The following SUN5 variants were observed in gnomAD, a reference collection of about 807,000 sequenced individuals.
SUN5 encodes the protein Sad1 and UNC84 domain containing 5.
A neutral mutation model predicts 53.7 loss-of-function variants in SUN5; 44 were observed. The observed-to-expected ratio is 0.82, with a 90% CI of 0.64 to 1.05. SUN5 has a LOEUF of 1.05. SUN5 is among the 50% of genes least tolerant of loss of function. The pLI, the probability that SUN5 is intolerant of heterozygous loss-of-function variation, is 0.00. For missense variants in SUN5, 433 were observed against 483.8 expected, an observed-to-expected ratio of 0.90 and a Z score of 0.98; for synonymous variants, 166 against 179.8, an observed-to-expected ratio of 0.92 and a Z score of 0.62.
chr20:32,991,596 CT>C (rs767026082), intron 8 of SUN5, among the ~76,000 whole-genome samples: 4 of 152,190 alleles, frequency 2.6e-5, no homozygotes, highest in Admixed American at 6.5e-5. Context: ...GAGGAAACAC[CT>C]GCCAAGAGCC....
At chr20:32,999,951 A>T in intron 5 of SUN5, 123 bp downstream of exon 5, 2 of 1,554,140 alleles carry the variant, frequency 1.3e-6, no homozygotes, top group Non-Finnish European at 1.7e-6. Flanking sequence ...TCACAGCAAC[A>T]CCCATCAGGC....
intron 10 of SUN5, among the ~76,000 whole-genome samples, chr20:32,986,904 C>T (rs957442490): frequency 1.3e-5 from 2 of 152,208 alleles, no homozygotes; most frequent in East Asian, 3.9e-4. Flanking sequence ...TCTGCTAGTC[C>T]TCGGCTGCGG....
intron 5 of SUN5, chr20:32,999,738 G>T: frequency 7.7e-5 from 43 of 557,942 alleles, no homozygotes; most frequent in East Asian, 1.5e-4. Flanking sequence ...GCCAGTATAT[G>T]TCAGTGGAGG....
chr20:33,002,458 A>G, intron 3 of SUN5, 129 bp downstream of exon 3: 4 of 845,470 alleles, frequency 4.7e-6, no homozygotes, highest in Non-Finnish European at 5.9e-6. Context: ...CCAGAGTTCA[A>G]CCTGCAGCTC....
At chr20:32,999,800 T>C in intron 5 of SUN5, 2 of 959,590 alleles carry the variant, frequency 2.1e-6, no homozygotes, top group Non-Finnish European at 3.1e-6. Flanking sequence ...GAGGTGGGGG[T>C]GGTGGCTGGA....
intron 10 of SUN5, 132 bp downstream of exon 10, chr20:32,987,528 C>T (rs1989576506): frequency 3.3e-6 from 2 of 605,376 alleles, no homozygotes; most frequent in Non-Finnish European, 5.5e-6. Flanking sequence ...CTGTCTCCTG[C>T]TCCTACCTCT....
At position 32,989,615 on chromosome 20, in the gene SUN5, C is replaced by T; in HGVS notation, c.613+5G>A. 1 of 1,613,856 alleles carries T rather than the reference C, an allele frequency of 6.2e-7. No homozygotes were observed. Among genetic ancestry groups the T allele is most frequent in the Non-Finnish European group, 8.5e-7 (1 of 1,179,846 alleles). ...AGTCAGATGGTGGGGAAGGGGGTCACCTACCTATAGACTTCAGGGCAAAGT... is the reference window on the plus strand; with the variant it reads ...AGTCAGATGGTGGGGAAGGGGGTCATCTACCTATAGACTTCAGGGCAAAGT... On this transcript the variant is annotated splice_donor_5th_base_variant and intron_variant, in intron 9 of 12. Transcript: ENST00000356173.
chr20:32,986,914 G>T (rs1568962625), intron 10 of SUN5, among the ~76,000 whole-genome samples: 1 of 152,182 alleles, frequency 6.6e-6, no homozygotes, highest in Non-Finnish European at 1.5e-5. Context: ...CTCGGCTGCG[G>T]CCACCAGGAA....
At chr20:32,999,824 A>T in intron 5 of SUN5, 1 of 1,308,698 alleles carries the variant, frequency 7.6e-7, no homozygotes, top group Non-Finnish European at 1.0e-6. Context: ...AAGCCATGGA[A>T]ACCCAGAAAG....
intron 7 of SUN5, 135 bp from the exon 8 acceptor site, chr20:32,995,862 C>A: frequency 1.4e-6 from 1 of 736,130 alleles, no homozygotes; most frequent in Non-Finnish European, 2.4e-6. Context: ...CATCCCTGGA[C>A]CCATTCATCA....
At chr20:33,001,629 CTTTCTTTCTTTT>C in intron 3 of SUN5, among the ~76,000 whole-genome samples, 1 of 129,928 alleles carries the variant, frequency 7.7e-6, no homozygotes, top group Non-Finnish European at 1.6e-5. Flanking sequence ...TTTTTCTTTT[CTTTCTTTCTTTT>C]CCTCCCTCCC....
chr20:33,001,301 G>A, intron 3 of SUN5, 23 bp from the exon 4 acceptor site: 2 of 1,563,732 alleles, frequency 1.3e-6, no homozygotes, highest in East Asian at 2.4e-5. Flanking sequence ...CAGAAAAGCA[G>A]TGACTCACTA....
At chr20:33,003,839 C>T (rs913631578) in intron 1 of SUN5, among the ~76,000 whole-genome samples, 3 of 152,164 alleles carry the variant, frequency 2.0e-5, no homozygotes, top group African/African-American at 7.2e-5. Context: ...GATATACACC[C>T]AGATTTGGGT....
chr20:32,984,649 C>T (rs1045205962), intron 12 of SUN5, among the ~76,000 whole-genome samples: 1 of 152,234 alleles, frequency 6.6e-6, no homozygotes. Context: ...CTGTCAAGCC[C>T]CAGGGCCATT....
intron 5 of SUN5, among the ~76,000 whole-genome samples, chr20:32,998,647 G>A (rs1268975704): frequency 6.6e-6 from 1 of 152,140 alleles, no homozygotes; most frequent in Admixed American, 6.6e-5. Flanking sequence ...CCTAAGATCA[G>A]GGATGAGACA....
intron 6 of SUN5, among the ~76,000 whole-genome samples, chr20:32,996,723 C>T (rs1174990081): frequency 6.6e-6 from 1 of 152,002 alleles, no homozygotes; most frequent in Non-Finnish European, 1.5e-5. Context: ...CCAACCCACC[C>T]ACCCACTCAT....
intron 3 of SUN5, 119 bp downstream of exon 3, chr20:33,002,468 C>T (rs1990075176): frequency 3.2e-6 from 3 of 928,436 alleles, no homozygotes; most frequent in South Asian, 1.4e-5. Flanking sequence ...ACCTGCAGCT[C>T]CCCACCACCC....
At chr20:32,993,639 G>A (rs762685773) in intron 8 of SUN5, among the ~76,000 whole-genome samples, 12 of 152,154 alleles carry the variant, frequency 7.9e-5, no homozygotes, top group Non-Finnish European at 1.8e-4. Flanking sequence ...CTTAGGAAAC[G>A]AAGTCCCTTT....
At chr20:33,000,264 C>T (rs919668239) in intron 4 of SUN5, 129 bp from the exon 5 acceptor site, 21 of 1,148,798 alleles carry the variant, frequency 1.8e-5, no homozygotes, top group African/African-American at 3.1e-5. Context: ...CCCTGGTAAA[C>T]GTGTCCTTCA....
Sources: allele counts gnomAD v4.1 joint callset (sites outside exome capture counted in the v4.1 genomes callset), GRCh38; gene constraint gnomAD v4.1.1; transcripts MANE v1.5; gene names NCBI Gene and HGNC (gene_info 2026-07-23, HGNC 2026-07-21).